Variants in RARB observed in about 807,000 individuals in gnomAD.
The protein encoded by RARB is retinoic acid receptor beta.
In RARB, 17 loss-of-function variants were observed where a neutral mutation model predicts 51.9. That is an observed-to-expected ratio of 0.33 (90% CI 0.22 to 0.49). The LOEUF is 0.49. Ranked by LOEUF, RARB falls within the 20% of genes least tolerant of loss-of-function variation. The pLI is 0.99. For synonymous variants in RARB, 215 were observed against 195.4 expected, an observed-to-expected ratio of 1.10 and a Z score of -0.84; for missense variants, 369 against 550.8, an observed-to-expected ratio of 0.67 and a Z score of 3.30.
intron 4 of RARB, among the ~76,000 whole-genome samples, chr3:25,579,502 A>G (rs1311508228): frequency 6.6e-6 from 1 of 152,234 alleles, no homozygotes; most frequent in Admixed American, 6.5e-5. Context: ...TTGGTTTAGC[A>G]TGCTTCCAAG....
At chr3:25,270,092 T>C (rs1438682801) in intron 5 of RARB, among the ~76,000 whole-genome samples, 1 of 152,190 alleles carries the variant, frequency 6.6e-6, no homozygotes, top group African/African-American at 2.4e-5. Flanking sequence ...ATGAGAATAG[T>C]ATGGCAGTTC....
chr3:25,392,559 A>T (rs1706995526), intron 5 of RARB, among the ~76,000 whole-genome samples: 1 of 151,980 alleles, frequency 6.6e-6, no homozygotes, highest in South Asian at 2.1e-4. Flanking sequence ...GTTGTCTGTG[A>T]TTTCTTTCAG....
chr3:25,573,556 A>G (rs1164269757), intron 4 of RARB, among the ~76,000 whole-genome samples: 1 of 152,108 alleles, frequency 6.6e-6, no homozygotes, highest in Non-Finnish European at 1.5e-5. Flanking sequence ...CATTTGTACT[A>G]TCTCTCCCCA....
chr3:25,004,841 T>A (rs1697236780), intron 2 of RARB, among the ~76,000 whole-genome samples: 1 of 152,142 alleles, frequency 6.6e-6, no homozygotes, highest in Non-Finnish European at 1.5e-5. Flanking sequence ...TTTTTTTAAG[T>A]TTTATAAAAT....
intron 2 of RARB, among the ~76,000 whole-genome samples, chr3:24,973,153 GTA>G (rs1290594105): frequency 6.6e-6 from 1 of 151,918 alleles, no homozygotes; most frequent in Non-Finnish European, 1.5e-5. Flanking sequence ...TGATTTTTGT[GTA>G]TAGTGAGAGA....
intron 3 of RARB, among the ~76,000 whole-genome samples, chr3:25,093,349 C>G (rs889312804): frequency 6.6e-6 from 1 of 152,130 alleles, no homozygotes; most frequent in Non-Finnish European, 1.5e-5. Flanking sequence ...AAAACTATAA[C>G]AGTGAGAAAA....
upstream of RARB, among the ~76,000 whole-genome samples, chr3:25,426,268 T>C (rs1453548206): frequency 6.6e-6 from 1 of 152,208 alleles, no homozygotes; most frequent in Admixed American, 6.5e-5. Flanking sequence ...AATAAGTCTC[T>C]GTTACAAAAT....
chr3:25,407,662 C>G (rs1221642106), intron 5 of RARB, among the ~76,000 whole-genome samples: 3 of 152,110 alleles, frequency 2.0e-5, no homozygotes, highest in African/African-American at 7.2e-5. Context: ...CACAGAATTG[C>G]AGATAACTGT....
intron 5 of RARB, among the ~76,000 whole-genome samples, chr3:25,317,496 T>A (rs1385667683): frequency 6.6e-6 from 1 of 152,146 alleles, no homozygotes; most frequent in Non-Finnish European, 1.5e-5. Flanking sequence ...TAGTCTCATT[T>A]CATGGTCAAA....
At chr3:25,544,710 C>A (rs1213237456) in intron 3 of RARB, among the ~76,000 whole-genome samples, 1 of 152,152 alleles carries the variant, frequency 6.6e-6, no homozygotes, top group East Asian at 1.9e-4. Context: ...GTAATCTACA[C>A]ATTACAGGCA....
In RARB at chr3:24,934,697, A is replaced by C. The variant is rs187591795; in HGVS notation, c.-380+75945A>C. ...TCTTCCCATAAATAAATAAATTTTAATGTCTAAGAAGAAAATGCTTGGCCA... is the reference window on the plus strand; with the variant it reads ...TCTTCCCATAAATAAATAAATTTTACTGTCTAAGAAGAAAATGCTTGGCCA... On this transcript the variant is annotated intron_variant, in intron 2 of 11. Transcript: ENST00000383772. 4.6e-5 allele frequency among the ~76,000 whole-genome samples: 7 copies of C among 152,296 alleles called. No individual in the cohort carries two copies. In the East Asian group the frequency reaches 1.4e-3, roughly 29 times the overall value.
intron 2 of RARB, among the ~76,000 whole-genome samples, chr3:25,038,435 A>G (rs1275532254): frequency 6.6e-6 from 1 of 152,174 alleles, no homozygotes; most frequent in Non-Finnish European, 1.5e-5. Flanking sequence ...AAGAAAATAG[A>G]ATATCTATTA....
chr3:25,206,509 T>C (rs998335040), intron 5 of RARB, among the ~76,000 whole-genome samples: 3 of 152,192 alleles, frequency 2.0e-5, no homozygotes. Context: ...CTACTAAGTA[T>C]GTTTTCATTT....
intron 1 of RARB, 65 bp from the exon 2 acceptor site, chr3:25,461,128 T>A: frequency 6.7e-7 from 1 of 1,486,792 alleles, no homozygotes. Context: ...AATTCACTGT[T>A]GAAAAAAGTA....
Position 25,310,806 on chromosome 3 carries a change from A to G in RARB, c.178+136231A>G, listed in dbSNP as rs572060385. ...TGTTTTTGGAAACAGCATGTACAGC[A>G]CTTCCTCAGGCAGTGCCCGTGTCAG... is the stretch of plus-strand genomic sequence containing the variant. On this transcript the variant is annotated intron_variant, in intron 5 of 11. Coordinates refer to the RARB transcript ENST00000383772. Among the ~76,000 whole-genome samples the G allele has an allele frequency of 5.3e-5, 8 of 152,292 alleles. No homozygotes were observed. In the South Asian group the frequency reaches 1.2e-3, roughly 24 times the overall value.
chr3:25,040,868 C>T (rs1698098386), intron 2 of RARB, among the ~76,000 whole-genome samples: 1 of 152,150 alleles, frequency 6.6e-6, no homozygotes, highest in Non-Finnish European at 1.5e-5. Context: ...GGATAGGCTG[C>T]CTGGTCTAAG....
At chr3:25,219,504 C>A (rs1260269101) in intron 5 of RARB, among the ~76,000 whole-genome samples, 1 of 152,070 alleles carries the variant, frequency 6.6e-6, no homozygotes, top group Admixed American at 6.5e-5. Context: ...TTTATAAAAC[C>A]TAATGCATCT....
chr3:24,943,504 T>C (rs937639976), intron 2 of RARB, among the ~76,000 whole-genome samples: 6 of 152,176 alleles, frequency 3.9e-5, no homozygotes, highest in Admixed American at 2.6e-4. Context: ...AAATGAGACT[T>C]GGTAGAAATG....
At chr3:25,309,891 T>A (rs915161385) in intron 5 of RARB, among the ~76,000 whole-genome samples, 3 of 152,200 alleles carry the variant, frequency 2.0e-5, no homozygotes, top group African/African-American at 7.2e-5. Context: ...CCAGACTGTT[T>A]ATTCTTCTTC....
Sources: gnomAD v4.1 joint callset for allele counts (sites outside exome capture counted in the v4.1 genomes callset) on GRCh38, gnomAD v4.1.1 for gene constraint, MANE v1.5 for transcripts, NCBI Gene and HGNC (gene_info 2026-07-23, HGNC 2026-07-21) for gene names.